ARHGAP29: variants seen among roughly 807,000 people sequenced by gnomAD.
ARHGAP29 encodes the protein rho GTPase-activating protein 29.
ARHGAP29 carries 43 observed loss-of-function variants against 122.6 expected under a neutral mutation model. The observed-to-expected ratio is 0.35, with a 90% CI of 0.27 to 0.45. The LOEUF (loss-of-function observed/expected upper bound fraction) is 0.45, where lower values mean the gene tolerates loss of function less well. ARHGAP29 is among the 20% of genes least tolerant of loss of function. The pLI, the probability that ARHGAP29 is intolerant of heterozygous loss-of-function variation, is 1.00. For missense variants in ARHGAP29, 1,303 were observed against 1,477.2 expected (o/e 0.88, Z 1.93); for synonymous variants, 506 against 497.1 (o/e 1.02, Z -0.24).
the ARHGAP29 span, among the ~76,000 whole-genome samples, chr1:94,305,024 T>C: frequency 1.4e-3 from 220 of 152,348 alleles, no homozygotes; most frequent in African/African-American, 5.0e-3. Flanking sequence ...AGTGGTTATT[T>C]TGAGAATATC....
chr1:94,174,057 C>G lies in ARHGAP29; in HGVS notation c.3598G>C (p.Gly1200Arg). 1 of 1,614,148 alleles carries G rather than the reference C, an allele frequency of 6.2e-7. No individual in the cohort carries two copies. Among genetic ancestry groups the G allele is most frequent in the Non-Finnish European group, 8.5e-7 (1 of 1,180,028 alleles). ...TCTGGCATTGACTTCACCACGAGAC[C>G]GTGGGGATCGTGATCTGTGCCAGGA... Reference protein sequence around the residue: ...VPPGTDHDPHGLVVKSMPDPD... With the variant: ...VPPGTDHDPHRLVVKSMPDPD... Residue 1200 changes from glycine to arginine, a missense_variant, in exon 23 of 23, where the codon GGT (glycine) becomes CGT (arginine). By Grantham distance (125) the Gly-to-Arg change is moderately radical. This residue lies in a region of ARHGAP29 where 620 missense variants were observed against 651.2 expected (regional missense o/e 0.95). Coordinates refer to ENST00000260526, the MANE Select transcript of ARHGAP29 (RefSeq NM_004815.4).
In ARHGAP29 at chr1:94,264,823, C is replaced by T. The variant is rs146590369; in HGVS notation, c.-33+10189G>A. ...GTATTAGTCGTTGCTTTGACTTTGG[C>T]ACTTGTGAAATGGGGCTATATTTTC... On this transcript the variant is annotated intron_variant and NMD_transcript_variant, in intron 1 of 25. Transcript: ENST00000552844. Among the ~76,000 whole-genome samples, 104 of 152,272 alleles carry T rather than the reference C, an allele frequency of 6.8e-4. No individual in the cohort carries two copies. The East Asian group carries it at 0.019, about 28-fold the overall frequency.
At chr1:94,229,663 T>C (rs1010192974) in intron 2 of ARHGAP29, among the ~76,000 whole-genome samples, 5 of 151,714 alleles carry the variant, frequency 3.3e-5, no homozygotes, top group African/African-American at 1.2e-4. Context: ...ATTTTTAAAA[T>C]TAAATTTCAG....
chr1:94,209,100 A>G (rs2101539890), intron 4 of ARHGAP29, among the ~76,000 whole-genome samples, 154 bp downstream of exon 4: 1 of 152,326 alleles, frequency 6.6e-6, no homozygotes, highest in Non-Finnish European at 1.5e-5. Flanking sequence ...ATCTTCGAAT[A>G]TAGTAATAAG....
chr1:94,273,597 A>G (rs1655075786), intron 1 of ARHGAP29, among the ~76,000 whole-genome samples: 1 of 152,228 alleles, frequency 6.6e-6, no homozygotes, highest in Non-Finnish European at 1.5e-5. Flanking sequence ...TAAGATAGAT[A>G]GACAATTAGG....
the ARHGAP29 span, among the ~76,000 whole-genome samples, chr1:94,280,294 A>G: frequency 3.3e-5 from 5 of 152,056 alleles, no homozygotes; most frequent in Admixed American, 2.6e-4. Flanking sequence ...TCACTTTTCA[A>G]TTCAAGGGAC....
intron 1 of ARHGAP29, among the ~76,000 whole-genome samples, chr1:94,250,762 T>G (rs1654050712): frequency 6.6e-6 from 1 of 152,206 alleles, no homozygotes; most frequent in African/African-American, 2.4e-5. Flanking sequence ...AGTATATAGA[T>G]GAAGATATCA....
At chr1:94,219,407 CATCAACA>C (rs1652148460) in intron 3 of ARHGAP29, among the ~76,000 whole-genome samples, 1 of 152,130 alleles carries the variant, frequency 6.6e-6, no homozygotes, top group African/African-American at 2.4e-5. Flanking sequence ...ATTACCTATA[CATCAACA>C]ATTCCCAAGT....
intron 19 of ARHGAP29, among the ~76,000 whole-genome samples, chr1:94,182,511 T>C (rs1362949623): frequency 6.6e-6 from 1 of 151,946 alleles, no homozygotes; most frequent in Non-Finnish European, 1.5e-5. Flanking sequence ...ACTTATAAAA[T>C]TTTAGGATAA....
At chr1:94,290,920 G>T in the ARHGAP29 span, among the ~76,000 whole-genome samples, 1 of 152,070 alleles carries the variant, frequency 6.6e-6, no homozygotes, top group Admixed American at 6.5e-5. Context: ...TGGAGAGTTT[G>T]GTAGATGTCT....
chr1:94,307,521 G>C, the ARHGAP29 span, among the ~76,000 whole-genome samples: 18 of 152,106 alleles, frequency 1.2e-4, no homozygotes. Flanking sequence ...CAAGAAAAAT[G>C]GGAGTAATGT....
the ARHGAP29 span, chr1:94,302,625 AT>A: frequency 2.3e-6 from 1 of 430,422 alleles, no homozygotes. Flanking sequence ...GGGGCTCTCC[AT>A]TACATCATCC....
chr1:94,273,358 C>T (rs767667454), intron 1 of ARHGAP29, among the ~76,000 whole-genome samples: 9 of 152,198 alleles, frequency 5.9e-5, no homozygotes, highest in Admixed American at 3.3e-4. Context: ...TTTATTTTAA[C>T]AAAAGTGGTC....
intron 2 of ARHGAP29, among the ~76,000 whole-genome samples, chr1:94,228,229 A>AT (rs1407498040): frequency 6.6e-6 from 1 of 151,766 alleles, no homozygotes; most frequent in Non-Finnish European, 1.5e-5. Flanking sequence ...CTCAATGACG[A>AT]TTACAATATG....
rs930096339 is a variant in ARHGAP29, at chr1:94,237,537, TCAGCCGCAGCCG to T, written c.-167_-156del. 22 of 990,524 alleles carry T rather than the reference TCAGCCGCAGCCG, an allele frequency of 2.2e-5. No homozygotes were observed. Among genetic ancestry groups the T allele is most frequent in the Non-Finnish European group, 2.5e-5 (21 of 834,028 alleles). 61.4% of individuals were successfully genotyped at this position (990,524 alleles called of 1,614,324 possible). A position where few individuals can be genotyped will look rare whatever the true frequency, so the allele number is the denominator to read the frequency against. On this transcript the variant is annotated 5_prime_UTR_variant, in exon 1 of 23. Transcript: ENST00000260526. ...CGGCCTGCGGACGCCCGGCCAAATCTCAGCCGCAGCCGCAGCCGCAGCCACAGCCACAGGCAC... is the reference window on the plus strand; with the variant it reads ...CGGCCTGCGGACGCCCGGCCAAATCTCAGCCGCAGCCACAGCCACAGGCAC...
At chr1:94,217,562 G>A (rs998230477) in intron 3 of ARHGAP29, among the ~76,000 whole-genome samples, 3 of 151,906 alleles carry the variant, frequency 2.0e-5, no homozygotes, top group Non-Finnish European at 2.9e-5. Context: ...TGATGGACTA[G>A]GTGTGGTGGC....
chr1:94,185,083 A>T (rs1649712086), intron 17 of ARHGAP29, 23 bp from the exon 18 acceptor site: 1 of 1,592,550 alleles, frequency 6.3e-7, no homozygotes. Flanking sequence ...GATAGTTTGA[A>T]ACTGGTTAAC....
chr1:94,208,261 T>C (rs1299502045), intron 5 of ARHGAP29, among the ~76,000 whole-genome samples: 1 of 152,102 alleles, frequency 6.6e-6, no homozygotes, highest in Non-Finnish European at 1.5e-5. Context: ...TCACTATACC[T>C]GGTCCCAAAT....
chr1:94,191,782 C>G (rs1025482757), intron 12 of ARHGAP29: 3 of 152,132 alleles, frequency 2.0e-5, no homozygotes, highest in African/African-American at 7.2e-5. Flanking sequence ...TTCTGCATTC[C>G]TCATAGGCTC....
Sources: allele counts gnomAD v4.1 joint callset (sites outside exome capture counted in the v4.1 genomes callset), GRCh38; gene constraint gnomAD v4.1.1; regional missense constraint gnomAD v4.1.1; transcripts MANE v1.5; gene names NCBI Gene and HGNC (gene_info 2026-07-23, HGNC 2026-07-21).